Variants in TICRR observed in about 807,000 individuals in gnomAD.
The protein encoded by TICRR is TOPBP1 interacting checkpoint and replication regulator.
TICRR carries 132 observed loss-of-function variants against 178.1 expected under a neutral mutation model. The ratio of observed to expected loss-of-function variants is 0.74; its 90% CI spans 0.64 to 0.86. TICRR has a LOEUF of 0.86. Ranked by LOEUF, TICRR falls within the 40% of genes least tolerant of loss-of-function variation. TICRR has a pLI of 0.00. For synonymous variants in TICRR, 991 were observed against 900.7 expected (o/e 1.10, Z -1.79); for missense variants, 2,587 against 2,334.3 (o/e 1.11, Z -2.23).
At chr15:89,618,301 T>C in intron 17 of TICRR, 91 bp downstream of exon 17, 2 of 1,190,224 alleles carry the variant, frequency 1.7e-6, no homozygotes, top group Non-Finnish European at 1.3e-6. Context: ...TATCCTAAGA[T>C]ATTTTACAGA....
chr15:89,601,600 A>G, intron 11 of TICRR, 32 bp downstream of exon 11: 1 of 1,613,030 alleles, frequency 6.2e-7, no homozygotes. Flanking sequence ...TTAACTTTAA[A>G]ATTGTTTTGT....
At position 89,624,815 on chromosome 15, in the gene TICRR, C is replaced by G. The variant is rs1963488158; in HGVS notation, c.4505C>G (p.Ser1502Cys). The G allele has an allele frequency of 1.2e-6, 2 of 1,614,170 alleles. No individual in the cohort carries two copies. Among genetic ancestry groups the G allele is most frequent in the African/African-American group, 1.3e-5 (1 of 75,050 alleles). The change falls in exon 20 of 22, where the codon TCT (serine) becomes TGT (cysteine). Residue 1502 changes from serine to cysteine, a missense_variant. Coordinates refer to ENST00000268138, the MANE Select transcript of TICRR (RefSeq NM_152259.4). The stretch of plus-strand genomic sequence containing the variant: ...GCAGATGCTGAGAAGTCTTCTCTGT[C>G]TCACCCTGGGATTCCCCCATCTCCT... ...RTADAEKSSL[S>C]HPGIPPSPPS...
At chr15:89,615,961 T>G (rs1168783848) in intron 15 of TICRR, among the ~76,000 whole-genome samples, 1 of 151,886 alleles carries the variant, frequency 6.6e-6, no homozygotes, top group African/African-American at 2.4e-5. Flanking sequence ...TTTGGCACAC[T>G]GCAACCTCTG....
intron 16 of TICRR, among the ~76,000 whole-genome samples, chr15:89,617,115 T>G (rs1347442716): frequency 6.6e-6 from 1 of 152,194 alleles, no homozygotes; most frequent in African/African-American, 2.4e-5. Context: ...CCAGGCTGCC[T>G]TCTTCTCTCT....
intron 5 of TICRR, among the ~76,000 whole-genome samples, chr15:89,594,152 TGAA>T (rs1285412773): frequency 6.6e-6 from 1 of 152,240 alleles, no homozygotes; most frequent in Non-Finnish European, 1.5e-5. Context: ...TCCTAATTCA[TGAA>T]GAATCCTATT....
chr15:89,616,540 C>G, intron 16 of TICRR, 45 bp downstream of exon 16: 2 of 1,518,182 alleles, frequency 1.3e-6, no homozygotes, highest in Non-Finnish European at 1.8e-6. Context: ...CCCACACCAC[C>G]TCAAAGCGGC....
intron 18 of TICRR, among the ~76,000 whole-genome samples, chr15:89,620,289 G>C (rs1189014584): frequency 6.6e-6 from 1 of 151,838 alleles, no homozygotes; most frequent in East Asian, 2.0e-4. Context: ...GCTCACTGTA[G>C]CCTCAACCTC....
chr15:89,603,398 G>A (rs538877292), intron 13 of TICRR, among the ~76,000 whole-genome samples: 7 of 152,242 alleles, frequency 4.6e-5, no homozygotes, highest in African/African-American at 1.4e-4. Flanking sequence ...ACAACATAGC[G>A]AGACCCTGTC....
Position 89,608,930 on chromosome 15 carries a change from C to A in TICRR, c.2850C>A (p.Asp950Glu). The change falls in exon 15 of 22, where the codon GAC becomes GAA. Residue 950 changes from aspartate (D) to glutamate (E), a missense_variant. Physicochemically the swap from Asp to Glu is conservative, Grantham distance 45. Transcript: ENST00000268138. ...SAVDGLEDKL[D>E]NFKKNKGYHK... ...TGGATGGTCTAGAGGATAAACTTGA[C>A]AACTTCAAGAAGAACAAAGGTACCA... 1 of 1,597,256 alleles carries A rather than the reference C, an allele frequency of 6.3e-7. No individual in the cohort carries two copies. The highest frequency in any genetic ancestry group is 8.5e-7 in the Non-Finnish European group (1 of 1,175,068).
In TICRR at chr15:89,627,096, T is replaced by C. The variant is rs2141988403; in HGVS notation, c.*10T>C. 9.3e-6 allele frequency: 15 copies of C among 1,613,768 alleles called. No individual in the cohort carries two copies. Among genetic ancestry groups the C allele is most frequent in the Non-Finnish European group, 1.3e-5 (15 of 1,180,018 alleles). ...GCTGGAGGACTTATAGCCACAAACA[T>C]TACTGAGCCCAAAAGATCAAGGAGT... On this transcript the variant is annotated 3_prime_UTR_variant, in exon 22 of 22. Transcript: ENST00000268138.
chr15:89,613,795 T>C (rs1963291673), intron 15 of TICRR, among the ~76,000 whole-genome samples: 1 of 143,870 alleles, frequency 7.0e-6, no homozygotes, highest in South Asian at 2.3e-4. Flanking sequence ...GTCATTGGAC[T>C]CATATTTTAG....
intron 1 of TICRR, among the ~76,000 whole-genome samples, chr15:89,577,775 A>C (rs1962651908): frequency 6.6e-6 from 1 of 151,296 alleles, no homozygotes; most frequent in South Asian, 2.1e-4. Context: ...GGCCTGGCTA[A>C]TTTTTTTGTA....
intron 15 of TICRR, among the ~76,000 whole-genome samples, chr15:89,613,024 A>G (rs963466361): frequency 2.0e-5 from 3 of 152,236 alleles, no homozygotes; most frequent in South Asian, 2.1e-4. Context: ...ACCTTTACCA[A>G]TGCTGTTTAA....
rs760099361 is a variant in TICRR at position 89,599,348 on chromosome 15, T to C, written c.1925T>C (p.Leu642Pro). 6.2e-7 allele frequency: 1 copy of C among 1,608,700 alleles called. No individual in the cohort carries two copies. Among genetic ancestry groups the C allele is most frequent in the South Asian group, 1.1e-5 (1 of 89,872 alleles). Reference sequence around the variant, plus strand: ...GATTTTAAAACTGAGGAAGAGCTGCTATCATATATACGTGAAAATTACCAA... The same window carrying C: ...GATTTTAAAACTGAGGAAGAGCTGCCATCATATATACGTGAAAATTACCAA... ...PKDFKTEEEL[L>P]SYIRENYQKT... is the part of the protein sequence containing the mutation. The change falls in exon 8 of 22, where the codon CTA becomes CCA. Residue 642 changes from leucine to proline, a missense_variant. Leu to Pro is a moderately conservative substitution (Grantham distance 98). Coordinates refer to ENST00000268138, the MANE Select transcript of TICRR (RefSeq NM_152259.4).
At position 89,626,058 on chromosome 15, in the gene TICRR, A is replaced by G. The variant is rs1963519168; in HGVS notation, c.5599A>G (p.Arg1867Gly). Residue 1867 changes from arginine (R) to glycine (G), a missense_variant, in exon 21 of 22, where the codon AGA (arginine) becomes GGA (glycine). Coordinates refer to ENST00000268138, the MANE Select transcript of TICRR (RefSeq NM_152259.4). Reference sequence around the variant, plus strand: ...ACCTTCCTCTCAGAGCAAAGACCCCAGAGGTAATGTTTGTTGAAGGTCTAG... The same window carrying G: ...ACCTTCCTCTCAGAGCAAAGACCCCGGAGGTAATGTTTGTTGAAGGTCTAG... ...KTPSSQSKDPRDEDVDVLPST... is the reference protein window; with the variant it reads ...KTPSSQSKDPGDEDVDVLPST... 6.2e-7 allele frequency: 1 copy of G among 1,613,686 alleles called. No individual in the cohort carries two copies. The highest frequency in any genetic ancestry group is 1.3e-5 in the African/African-American group (1 of 74,930).
Position 89,609,386 on chromosome 15 carries a change from T to A in TICRR, c.2869+437T>A, listed in dbSNP as rs1458771824. ...CCTCGGCCTCCCACAGTTGCTGGGA[T>A]TATAGGCATGAGCCACCACACCCAG... On this transcript the variant is annotated intron_variant, in intron 15 of 21. Coordinates refer to ENST00000268138, the MANE Select transcript of TICRR (RefSeq NM_152259.4). Among the ~76,000 whole-genome samples the A allele has an allele frequency of 4.0e-5, 6 of 151,876 alleles. No homozygotes were observed. The East Asian group carries it at 1.2e-3, about 29-fold the overall frequency.
At position 89,626,815 on chromosome 15, in the gene TICRR, T is replaced by A. The variant is rs1057340680; in HGVS notation, c.5603-141T>A. 5.6e-6 allele frequency: 5 copies of A among 893,282 alleles called. No individual in the cohort carries two copies. The African/African-American group carries it at 6.7e-5, about 12-fold the overall frequency. 55.3% of individuals were successfully genotyped at this position (893,282 alleles called of 1,614,324 possible). ...CCTTCTAAAAAGTGTAGGTACCATT[T>A]CTGTAGGATAAGCGAACCTCCAAGC... On this transcript the variant is annotated intron_variant, in intron 21 of 21. Transcript: ENST00000268138.
intron 12 of TICRR, among the ~76,000 whole-genome samples, chr15:89,602,246 A>C (rs1963110843): frequency 6.6e-6 from 1 of 152,234 alleles, no homozygotes; most frequent in Non-Finnish European, 1.5e-5. Flanking sequence ...TTGTACTAAC[A>C]TCAGAGTGTG....
chr15:89,584,395 G>A lies in TICRR; in HGVS notation c.1044G>A (p.Gln348=). Reference sequence around the variant, plus strand: ...TTTTTCTAAAAGGCTCAGTGGCCCAGTGGTCTCTCCCAACGAGCAGCACTT... The same window carrying A: ...TTTTTCTAAAAGGCTCAGTGGCCCAATGGTCTCTCCCAACGAGCAGCACTT... ...VRIFLKGSVA[Q]WSLPTSSTLG... is the part of the protein sequence containing the mutation. Residue 348 remains glutamine, a synonymous_variant, in exon 3 of 22, where the codon CAG becomes CAA. Transcript: ENST00000268138. The A allele has an allele frequency of 6.2e-7, 1 of 1,614,202 alleles. No individual in the cohort carries two copies. Among genetic ancestry groups the A allele is most frequent in the Non-Finnish European group, 8.5e-7 (1 of 1,180,038 alleles).
Sources: allele counts gnomAD v4.1 joint callset (sites outside exome capture counted in the v4.1 genomes callset), GRCh38; gene constraint gnomAD v4.1.1; transcripts MANE v1.5; gene names NCBI Gene and HGNC (gene_info 2026-07-23, HGNC 2026-07-21).